The following NRCAM variants were observed in gnomAD, a reference collection of about 807,000 sequenced individuals.
NRCAM encodes neuronal cell adhesion molecule, also known as NgCAM-related cell adhesion molecule.
A neutral mutation model predicts 156.5 loss-of-function variants in NRCAM; 83 were observed. That is an observed-to-expected ratio of 0.53 (90% CI 0.44 to 0.64). The LOEUF is 0.64. Ranked by LOEUF, NRCAM falls within the 30% of genes least tolerant of loss-of-function variation. The pLI is 0.00. For synonymous variants in NRCAM, 538 were observed against 563.9 expected, an observed-to-expected ratio of 0.95 and a Z score of 0.65; for missense variants, 1,417 against 1,597.3, an observed-to-expected ratio of 0.89 and a Z score of 1.92.
At chr7:108,168,193 C>A in intron 29 of NRCAM, 84 bp downstream of exon 29, 1 of 1,302,146 alleles carries the variant, frequency 7.7e-7, no homozygotes. Context: ...CAAGATGATC[C>A]ATAGTAAATT....
chr7:108,301,412 T>C (rs1004111322), intron 3 of NRCAM, among the ~76,000 whole-genome samples: 1 of 152,190 alleles, frequency 6.6e-6, no homozygotes, highest in Non-Finnish European at 1.5e-5. Context: ...CACAGATTTC[T>C]AGGACAACAG....
At chr7:108,429,103 T>C (rs150058057) in intron 1 of NRCAM, among the ~76,000 whole-genome samples, 3 of 152,368 alleles carry the variant, frequency 2.0e-5, no homozygotes, top group African/African-American at 7.2e-5. Flanking sequence ...TTGACAACAT[T>C]TAATTTTTAA....
rs952936952 is a variant in NRCAM at position 108,384,718 on chromosome 7, C to A, written c.-174+14718G>T. Among the ~76,000 whole-genome samples, 8 of 152,276 alleles carry A rather than the reference C, an allele frequency of 5.3e-5. No individual in the cohort carries two copies. The East Asian group carries it at 1.5e-3, about 29-fold the overall frequency. ...GATTCAGCAAGTCTAGGGTAGGACC[C>A]ACAACTTTGCTTTCTAACAAGCTCT... On this transcript the variant is annotated intron_variant, in intron 2 of 32. Coordinates refer to ENST00000379028, the MANE Select transcript of NRCAM (RefSeq NM_001037132.4).
chr7:108,153,414 A>C (rs1413745815), intron 32 of NRCAM, among the ~76,000 whole-genome samples: 1 of 152,170 alleles, frequency 6.6e-6, no homozygotes, highest in Non-Finnish European at 1.5e-5. Flanking sequence ...TAAAAACATT[A>C]GGAATAGAAT....
intron 1 of NRCAM, among the ~76,000 whole-genome samples, chr7:108,454,512 C>T (rs1854238622): frequency 6.6e-6 from 1 of 152,214 alleles, no homozygotes; most frequent in Admixed American, 6.5e-5. Context: ...ATGCGCAGCG[C>T]CCAGCACATC....
intron 3 of NRCAM, among the ~76,000 whole-genome samples, chr7:108,288,062 A>G (rs1387286848): frequency 1.3e-5 from 2 of 152,168 alleles, no homozygotes; most frequent in Non-Finnish European, 2.9e-5. Context: ...CAGCCATAAA[A>G]AAGAATAAAA....
chr7:108,321,931 G>T (rs1263544553), intron 2 of NRCAM, among the ~76,000 whole-genome samples: 1 of 152,108 alleles, frequency 6.6e-6, no homozygotes, highest in African/African-American at 2.4e-5. Context: ...CAGATGTAAA[G>T]ACAGGCATAA....
chr7:108,195,694 A>G, intron 15 of NRCAM, 67 bp downstream of exon 15: 1 of 857,452 alleles, frequency 1.2e-6, no homozygotes, highest in South Asian at 1.4e-5. Context: ...AAAACCCAAC[A>G]TATTTAGAAT....
At chr7:108,199,316 T>G (rs1483849357) in intron 13 of NRCAM, among the ~76,000 whole-genome samples, 1 of 152,232 alleles carries the variant, frequency 6.6e-6, no homozygotes, top group Admixed American at 6.5e-5. Context: ...TAGTACATCC[T>G]TGTTTTATGA....
intron 1 of NRCAM, among the ~76,000 whole-genome samples, chr7:108,417,203 A>G (rs1802663323): frequency 6.6e-6 from 1 of 152,208 alleles, no homozygotes; most frequent in Non-Finnish European, 1.5e-5. Context: ...TTTAATTGCT[A>G]TGGAGATGTC....
chr7:108,336,915 T>G (rs1022756452), intron 2 of NRCAM, among the ~76,000 whole-genome samples: 5 of 152,102 alleles, frequency 3.3e-5, no homozygotes, highest in African/African-American at 1.2e-4. Context: ...TTCCAATAAG[T>G]TATTGATAAG....
intron 3 of NRCAM, among the ~76,000 whole-genome samples, chr7:108,299,004 G>GCTGAGGCAGAA (rs1317588112): frequency 4.1e-5 from 6 of 147,398 alleles, no homozygotes; most frequent in African/African-American, 1.3e-4. Flanking sequence ...TACTTGGGAG[G>GCTGAGGCAGAA]CTGAGGCAGA....
intron 13 of NRCAM, among the ~76,000 whole-genome samples, chr7:108,198,452 A>G (rs2076273749): frequency 6.6e-6 from 1 of 152,154 alleles, no homozygotes; most frequent in Admixed American, 6.6e-5. Flanking sequence ...CAGGTTTGTT[A>G]CATATGTATA....
rs1053590959 is a variant in NRCAM at position 108,389,095 on chromosome 7, G to A, written c.-174+10341C>T. Among the ~76,000 whole-genome samples, 11 of 152,242 alleles carry A rather than the reference G, an allele frequency of 7.2e-5. 1 individual carries two copies. Among genetic ancestry groups the A allele is most frequent in the Admixed American group, 6.5e-4 (10 of 15,276 alleles). ...AAGTAGTTTTTTCCAATTCTGTGAA[G>A]AAAGTCATTGGTAGCTTGATGGGGA... On this transcript the variant is annotated intron_variant, in intron 2 of 32. Transcript: ENST00000379028.
rs191785965 is a variant in NRCAM, at chr7:108,444,759, T to C, written c.-332+11484A>G. ...TAACCTAATTATCTCACTTTAACTA[T>C]AAAGACCCTGTCTGCAAATAAGGCC... is the stretch of plus-strand genomic sequence containing the variant. On this transcript the variant is annotated intron_variant, in intron 1 of 32. Transcript: ENST00000379028. Among the ~76,000 whole-genome samples the C allele has an allele frequency of 1.4e-3, 215 of 152,284 alleles. 2 individuals carry two copies. Among genetic ancestry groups the C allele is most frequent in the Admixed American group, 2.6e-3 (39 of 15,286 alleles).
intron 1 of NRCAM, among the ~76,000 whole-genome samples, chr7:108,445,719 T>A (rs887833245): frequency 2.0e-5 from 3 of 152,148 alleles, no homozygotes; most frequent in Non-Finnish European, 4.4e-5. Flanking sequence ...TTAATCTATG[T>A]GTAGTAGCCT....
At chr7:108,209,833 G>T (rs1339893818) in intron 11 of NRCAM, among the ~76,000 whole-genome samples, 1 of 152,152 alleles carries the variant, frequency 6.6e-6, no homozygotes, top group African/African-American at 2.4e-5. Flanking sequence ...CGATGTCAAT[G>T]ATACAGTATG....
At chr7:108,277,611 C>G (rs1429355395) in intron 3 of NRCAM, among the ~76,000 whole-genome samples, 1 of 152,072 alleles carries the variant, frequency 6.6e-6, no homozygotes, top group Non-Finnish European at 1.5e-5. Context: ...CTTCTCTACA[C>G]TGGTTATTCT....
intron 3 of NRCAM, among the ~76,000 whole-genome samples, chr7:108,266,476 G>A (rs2097107557): frequency 6.6e-6 from 1 of 152,210 alleles, no homozygotes; most frequent in Non-Finnish European, 1.5e-5. Context: ...AAGGTAATCA[G>A]CCACTGCACA....
Sources: allele counts gnomAD v4.1 joint callset (sites outside exome capture counted in the v4.1 genomes callset), GRCh38; gene constraint gnomAD v4.1.1; transcripts MANE v1.5; gene names NCBI Gene and HGNC (gene_info 2026-07-23, HGNC 2026-07-21).